DGKH: variants seen among roughly 807,000 people sequenced by gnomAD.
The protein encoded by DGKH is DAG kinase eta.
DGKH carries 90 observed loss-of-function variants against 159.3 expected under a neutral mutation model. That is an observed-to-expected ratio of 0.57 (90% CI 0.48 to 0.67). The LOEUF (loss-of-function observed/expected upper bound fraction) is 0.67. Ranked by LOEUF, DGKH falls within the 30% of genes least tolerant of loss-of-function variation. The probability of loss-of-function intolerance (pLI) is 0.00; values close to 1 mark genes in which losing one functional copy is unlikely to be tolerated. For synonymous variants in DGKH, 536 were observed against 553.8 expected (o/e 0.97, Z 0.45); for missense variants, 1,181 against 1,506.1 (o/e 0.78, Z 3.57).
At chr13:42,206,616 C>G (rs899874306) in intron 21 of DGKH, among the ~76,000 whole-genome samples, 1 of 129,096 alleles carries the variant, frequency 7.7e-6, no homozygotes, top group Non-Finnish European at 1.6e-5. Flanking sequence ...TGGGCTGTTG[C>G]CTTCCGGAGG....
chr13:42,241,955 T>C lies in DGKH; in HGVS notation c.*12767T>C, dbSNP rs1958521845. ...AGTAAGTGTGGAAAAAAACCCGACT[T>C]GTATGTGTATTCACAGTTTGATAGG... On this transcript the variant is annotated 3_prime_UTR_variant, in exon 30 of 30. Coordinates refer to ENST00000337343, the MANE Select transcript of DGKH (RefSeq NM_178009.5). 6.6e-6 allele frequency: 1 copy of C among 152,204 alleles called. No homozygotes were observed. The highest frequency in any genetic ancestry group is 2.1e-4 in the South Asian group (1 of 4,828). The allele number at this position is 152,204 out of a possible 1,614,324, so 9.4% of individuals were successfully genotyped here. A position where few individuals can be genotyped will look rare whatever the true frequency, so the allele number is the denominator to read the frequency against.
intron 1 of DGKH, among the ~76,000 whole-genome samples, chr13:42,082,071 C>A (rs1288532888): frequency 6.6e-6 from 1 of 152,016 alleles, no homozygotes; most frequent in Non-Finnish European, 1.5e-5. Context: ...TTTAACCTAT[C>A]AGATCAATCC....
At chr13:42,108,687 A>G (rs1349041051) in intron 1 of DGKH, among the ~76,000 whole-genome samples, 2 of 152,240 alleles carry the variant, frequency 1.3e-5, no homozygotes, top group Admixed American at 6.5e-5. Flanking sequence ...GAATAAATAC[A>G]GAAATTTATT....
rs1958489181 is a variant in DGKH, at chr13:42,240,142, T to G, written c.*10954T>G. On this transcript the variant is annotated 3_prime_UTR_variant, in exon 30 of 30. Coordinates refer to ENST00000337343, the MANE Select transcript of DGKH (RefSeq NM_178009.5). ...GTGTCTAGCTACACATAATAGGACT[T>G]TGATAAATATTTTTGAATGAAGGTA... The G allele has an allele frequency of 6.6e-6, 1 of 152,200 alleles. No individual in the cohort carries two copies. The highest frequency in any genetic ancestry group is 2.1e-4 in the South Asian group (1 of 4,820). The allele number at this position is 152,200 out of a possible 1,614,324, so 9.4% of individuals were successfully genotyped here.
At position 42,160,015 on chromosome 13, in the gene DGKH, C is replaced by T. The variant is rs145824794; in HGVS notation, c.734C>T (p.Ala245Val). 14 of 1,614,164 alleles carry T rather than the reference C, an allele frequency of 8.7e-6. No homozygotes were observed. In the East Asian group the frequency reaches 1.1e-4, roughly 13 times the overall value. ...CCCTTTCTTCCTTCTCCACAGGTCG[C>T]GATGCCTCACCAGTGGCTTGAGGGC... ...KDIIEDEDGVAMPHQWLEGNL... is the reference protein window; with the variant it reads ...KDIIEDEDGVVMPHQWLEGNL... The change falls in exon 7 of 30, where the codon GCG becomes GTG. Residue 245 changes from alanine to valine, a missense_variant. Coordinates refer to ENST00000337343, the MANE Select transcript of DGKH (RefSeq NM_178009.5).
At chr13:42,065,891 A>C (rs1882531975) in intron 1 of DGKH, among the ~76,000 whole-genome samples, 1 of 152,164 alleles carries the variant, frequency 6.6e-6, no homozygotes. Context: ...TGATATATAA[A>C]ACATTAAAAT....
At chr13:42,224,903 A>AAATAT (rs1555279950) in intron 29 of DGKH, among the ~76,000 whole-genome samples, 2 of 144,892 alleles carry the variant, frequency 1.4e-5, no homozygotes, top group African/African-American at 5.0e-5. Flanking sequence ...GGAAAAAAAA[A>AAATAT]ATATATATAT....
At chr13:42,070,664 G>A in intron 1 of DGKH, 1 of 1,612,230 alleles carries the variant, frequency 6.2e-7, no homozygotes, top group Non-Finnish European at 8.5e-7. Flanking sequence ...TTTGCAGAGT[G>A]AATATACTTG....
intron 1 of DGKH, among the ~76,000 whole-genome samples, chr13:42,084,599 A>G (rs1954267720): frequency 6.6e-6 from 1 of 151,656 alleles, no homozygotes; most frequent in Non-Finnish European, 1.5e-5. Context: ...TTTTTAAACA[A>G]ATGTTAAAAT....
In DGKH at chr13:42,100,541, G is replaced by A. The variant is rs886476171; in HGVS notation, c.193-26922G>A. 7.2e-5 allele frequency among the ~76,000 whole-genome samples: 11 copies of A among 152,160 alleles called. 1 individual carries two copies. Among genetic ancestry groups the A allele is most frequent in the South Asian group, 4.2e-4 (2 of 4,818 alleles). ...GACTGCTGCATTAGACACCACCAGC[G>A]CATTAACTGGTGCCGCCATGGTAGC... is the stretch of plus-strand genomic sequence containing the variant. On this transcript the variant is annotated intron_variant, in intron 1 of 29. Transcript: ENST00000337343.
chr13:42,162,001 G>T (rs1956194151), intron 7 of DGKH, among the ~76,000 whole-genome samples: 1 of 152,044 alleles, frequency 6.6e-6, no homozygotes. Flanking sequence ...TTCTTAACTA[G>T]AATAGCAGTG....
rs1956438146 is a variant in DGKH, at chr13:42,170,905, T to G, written c.1367+2087T>G. Reference sequence around the variant, plus strand: ...TTGCAGTGAGCCAAGATCATGCCAATGCACTGAAGCCTGGCCAACAGAGCG... The same window carrying G: ...TTGCAGTGAGCCAAGATCATGCCAAGGCACTGAAGCCTGGCCAACAGAGCG... On this transcript the variant is annotated intron_variant, in intron 11 of 29. Coordinates refer to ENST00000337343, the MANE Select transcript of DGKH (RefSeq NM_178009.5). Among the ~76,000 whole-genome samples, 3 of 146,672 alleles carry G rather than the reference T, an allele frequency of 2.0e-5. No homozygotes were observed. The South Asian group carries it at 6.5e-4, about 32-fold the overall frequency.
intron 20 of DGKH, among the ~76,000 whole-genome samples, chr13:42,204,501 T>C (rs1204449727): frequency 6.6e-6 from 1 of 152,236 alleles, no homozygotes; most frequent in African/African-American, 2.4e-5. Flanking sequence ...ACCATTCCAA[T>C]CAGCCAATAA....
At chr13:42,086,283 T>C (rs994968211) in intron 1 of DGKH, among the ~76,000 whole-genome samples, 7 of 152,208 alleles carry the variant, frequency 4.6e-5, no homozygotes, top group African/African-American at 1.7e-4. Flanking sequence ...GTCAACCTTG[T>C]TGCCTAAAGT....
chr13:42,168,964 T>A (rs768124583), intron 11 of DGKH, 146 bp downstream of exon 11: 4 of 875,944 alleles, frequency 4.6e-6, no homozygotes, highest in Non-Finnish European at 6.6e-6. Context: ...GTCCACTGGT[T>A]AATCCCTGAG....
At chr13:42,168,359 A>T (rs1226963551) in intron 9 of DGKH, 81 bp from the exon 10 acceptor site, 5 of 1,185,380 alleles carry the variant, frequency 4.2e-6, no homozygotes, top group African/African-American at 1.6e-5. Flanking sequence ...TCTGAATATG[A>T]ATACTGATAC....
At chr13:42,069,614 T>C in intron 1 of DGKH, 1 of 1,454,482 alleles carries the variant, frequency 6.9e-7, no homozygotes. Context: ...CTTTCACATT[T>C]TGATTTTCTT....
At chr13:42,192,240 C>A (rs1449726382) in intron 16 of DGKH, among the ~76,000 whole-genome samples, 1 of 152,182 alleles carries the variant, frequency 6.6e-6, no homozygotes, top group Non-Finnish European at 1.5e-5. Context: ...CCACCCAATG[C>A]AGGCATGTTC....
In DGKH at chr13:42,241,658, A is replaced by G. The variant is rs1434952710; in HGVS notation, c.*12470A>G. 6.6e-6 allele frequency: 1 copy of G among 152,212 alleles called. No individual in the cohort carries two copies. Among genetic ancestry groups the G allele is most frequent in the Non-Finnish European group, 1.5e-5 (1 of 68,048 alleles). 9.4% of individuals were successfully genotyped at this position (152,212 alleles called of 1,614,324 possible). A position where few individuals can be genotyped will look rare whatever the true frequency, so the allele number is the denominator to read the frequency against. On this transcript the variant is annotated 3_prime_UTR_variant, in exon 30 of 30. Coordinates refer to ENST00000337343, the MANE Select transcript of DGKH (RefSeq NM_178009.5). ...GGTAAACCCACAGTAGAAGGGAAAA[A>G]GTAATGCTTTCTGGTATACTTCAGA...
Sources: gnomAD v4.1 joint callset for allele counts (sites outside exome capture counted in the v4.1 genomes callset) on GRCh38, gnomAD v4.1.1 for gene constraint, MANE v1.5 for transcripts, NCBI Gene and HGNC (gene_info 2026-07-23, HGNC 2026-07-21) for gene names.